Variants in CHIA observed in about 807,000 individuals in gnomAD.
CHIA encodes chitinase acidic.
In CHIA, 47 loss-of-function variants were observed where a neutral mutation model predicts 53.5. The ratio of observed to expected loss-of-function variants is 0.88; its 90% CI spans 0.70 to 1.12. The LOEUF is 1.12. Ranked by LOEUF, CHIA falls within the 50% of genes most tolerant of loss-of-function variation. The probability of loss-of-function intolerance (pLI) is 0.00; values close to 1 mark genes in which losing one functional copy is unlikely to be tolerated. For synonymous variants in CHIA, 268 were observed against 222.2 expected (o/e 1.21, Z -1.83); for missense variants, 652 against 592.2 (o/e 1.10, Z -1.05).
chr1:111,296,952 A>G (rs184920483), intron 1 of CHIA, among the ~76,000 whole-genome samples: 1 of 152,372 alleles, frequency 6.6e-6, no homozygotes, highest in Admixed American at 6.5e-5. Flanking sequence ...AGCTGATTTG[A>G]TCAAATGGAA....
chr1:111,304,357 T>C (rs1648007467), intron 1 of CHIA, among the ~76,000 whole-genome samples: 1 of 152,200 alleles, frequency 6.6e-6, no homozygotes, highest in Admixed American at 6.5e-5. Context: ...TTTTCTTGAA[T>C]TCCCACAATG....
At chr1:111,311,535 T>C (rs776500229) in intron 2 of CHIA, among the ~76,000 whole-genome samples, 154 bp from the exon 3 acceptor site, 3 of 152,206 alleles carry the variant, frequency 2.0e-5, no homozygotes, top group Admixed American at 1.3e-4. Flanking sequence ...GTAGATCTAC[T>C]GTTGTATTCA....
rs1004349409 is a variant in CHIA, at chr1:111,292,557, G to A, written c.-69+1607G>A. ...CAGTCTCCGTTATCTTTTTTTCCAT[G>A]TTTTAAAAATGTTTTTCTTGTGGTA... is the stretch of plus-strand genomic sequence containing the variant. On this transcript the variant is annotated intron_variant, in intron 1 of 11. Transcript: ENST00000369740. 5.3e-5 allele frequency among the ~76,000 whole-genome samples: 8 copies of A among 152,038 alleles called. No homozygotes were observed. In the East Asian group the frequency reaches 1.4e-3, roughly 26 times the overall value.
chr1:111,320,236 A>G lies in CHIA; in HGVS notation c.1201A>G (p.Ile401Val), dbSNP rs1649543867. ...AGGTTGCACGGCTCCAGCTCAGCCC[A>G]TTGAGCCAATAACTGCTGCTCCCAG... is the stretch of plus-strand genomic sequence containing the variant. ...SASCTAPAQP[I>V]EPITAAPSGS... The change falls in exon 12 of 12, where the codon ATT becomes GTT. Residue 401 changes from isoleucine to valine, a missense_variant. Coordinates refer to ENST00000369740, the MANE Select transcript of CHIA (RefSeq NM_201653.4). 1.9e-6 allele frequency: 3 copies of G among 1,613,962 alleles called. No individual in the cohort carries two copies. The highest frequency in any genetic ancestry group is 1.1e-5 in the South Asian group (1 of 91,066).
intron 1 of CHIA, among the ~76,000 whole-genome samples, chr1:111,296,432 G>C (rs796177326): frequency 6.6e-6 from 1 of 152,116 alleles, no homozygotes; most frequent in Non-Finnish European, 1.5e-5. Context: ...AGGCAAACAG[G>C]GTCTGGAGTG....
rs1282958576 is a variant in CHIA at position 111,301,278 on chromosome 1, C to T, written c.-68-9122C>T. 8.5e-5 allele frequency among the ~76,000 whole-genome samples: 13 copies of T among 152,240 alleles called. No homozygotes were observed. The South Asian group carries it at 2.7e-3, about 32-fold the overall frequency. ...TCATGCTAGTATAAAGATACATGCA[C>T]ACATATGTTTATTGCGGCACTATTC... On this transcript the variant is annotated intron_variant, in intron 1 of 11. Coordinates refer to ENST00000369740, the MANE Select transcript of CHIA (RefSeq NM_201653.4).
chr1:111,300,459 C>T (rs1647624379), intron 1 of CHIA, among the ~76,000 whole-genome samples: 1 of 152,124 alleles, frequency 6.6e-6, no homozygotes, highest in Admixed American at 6.6e-5. Context: ...TTTGACAAAC[C>T]TGACAAAAAC....
intron 6 of CHIA, 69 bp downstream of exon 6, chr1:111,315,504 G>T: frequency 6.6e-7 from 1 of 1,522,248 alleles, no homozygotes; most frequent in Non-Finnish European, 8.9e-7. Flanking sequence ...AGAATTGGGT[G>T]GCTCTAGGGT....
intron 4 of CHIA, among the ~76,000 whole-genome samples, chr1:111,312,856 G>A (rs1571293976): frequency 6.9e-6 from 1 of 145,848 alleles, no homozygotes; most frequent in Non-Finnish European, 1.5e-5. Context: ...ATACTTCTAT[G>A]AGTTCAACTT....
At position 111,318,570 on chromosome 1, in the gene CHIA, C is replaced by A. The variant is rs773370727; in HGVS notation, c.807C>A (p.His269Gln). 5.0e-6 allele frequency: 8 copies of A among 1,614,096 alleles called. No individual in the cohort carries two copies. The highest frequency in any genetic ancestry group is 5.1e-6 in the Non-Finnish European group (6 of 1,180,038). ...TCGTTGGATTCCCTACCTATGGACA[C>A]AACTTCATCCTGAGCAACCCCTCCA... ...KLIVGFPTYG[H>Q]NFILSNPSNT... is the part of the protein sequence containing the mutation. Residue 269 changes from histidine (H) to glutamine (Q), a missense_variant, in exon 9 of 12, where the codon CAC becomes CAA. His to Gln is a conservative substitution (Grantham distance 24, BLOSUM62 0). Coordinates refer to ENST00000369740, the MANE Select transcript of CHIA (RefSeq NM_201653.4).
intron 1 of CHIA, 91 bp from the exon 2 acceptor site, chr1:111,310,308 TG>T: frequency 7.1e-7 from 1 of 1,412,970 alleles, no homozygotes. Context: ...GGGTGTAGGT[TG>T]AAGGTCTTGG....
At chr1:111,308,730 T>C (rs143115605) in intron 1 of CHIA, among the ~76,000 whole-genome samples, 1 of 152,280 alleles carries the variant, frequency 6.6e-6, no homozygotes, top group Non-Finnish European at 1.5e-5. Context: ...AAAATAAAAT[T>C]GGAGTTTATT....
intron 8 of CHIA, among the ~76,000 whole-genome samples, 175 bp downstream of exon 8, chr1:111,318,284 C>T (rs1649337961): frequency 6.6e-6 from 1 of 152,138 alleles, no homozygotes; most frequent in Non-Finnish European, 1.5e-5. Context: ...ACAAAGTAAA[C>T]ATAAATTCTG....
At chr1:111,302,505 T>TA (rs1647839736) in intron 1 of CHIA, among the ~76,000 whole-genome samples, 1 of 152,220 alleles carries the variant, frequency 6.6e-6, no homozygotes, top group Non-Finnish European at 1.5e-5. Context: ...ACTACTTCTT[T>TA]AATCTATTAT....
chr1:111,316,159 C>T (rs751543756), intron 6 of CHIA: 2 of 236,538 alleles, frequency 8.5e-6, no homozygotes, highest in African/African-American at 2.3e-5. Context: ...GGGAATGGCA[C>T]AAATGATATA....
At position 111,313,141 on chromosome 1, in the gene CHIA, T is replaced by G. The variant is rs568641323; in HGVS notation, c.257+750T>G. Among the ~76,000 whole-genome samples the G allele has an allele frequency of 2.0e-5, 3 of 152,352 alleles. No individual in the cohort carries two copies. In the East Asian group the frequency reaches 5.8e-4, roughly 29 times the overall value. ...AAATTCAGATATCTCTTCAACACACTGATTTCATTTCCTTTGGATGTAAAC... is the reference window on the plus strand; with the variant it reads ...AAATTCAGATATCTCTTCAACACACGGATTTCATTTCCTTTGGATGTAAAC... On this transcript the variant is annotated intron_variant, in intron 4 of 11. Transcript: ENST00000369740.
chr1:111,296,699 G>A (rs563897305), intron 1 of CHIA, among the ~76,000 whole-genome samples: 1 of 152,324 alleles, frequency 6.6e-6, no homozygotes, highest in African/African-American at 2.4e-5. Context: ...GCCAGCAACG[G>A]AACAAAGCTG....
In CHIA at chr1:111,318,212, G is replaced by A. The variant is rs116277426; in HGVS notation, c.729+103G>A. ...CATAAGTTTAGTGGTTTTCTCAAAT[G>A]GGAAATTAGGCTGCCATAATTAATT... On this transcript the variant is annotated intron_variant, in intron 8 of 11. Coordinates refer to ENST00000369740, the MANE Select transcript of CHIA (RefSeq NM_201653.4). 1.5e-3 allele frequency: 1,811 copies of A among 1,239,334 alleles called. 18 individuals carry two copies. In the African/African-American group the frequency reaches 0.022, roughly 15 times the overall value. 76.8% of individuals were successfully genotyped at this position (1,239,334 alleles called of 1,614,324 possible).
At position 111,312,351 on chromosome 1, in the gene CHIA, G is replaced by A. The variant is rs1303343353; in HGVS notation, c.217G>A (p.Asp73Asn). Residue 73 changes from aspartate (D) to asparagine (N), a missense_variant, in exon 4 of 12, where the codon GAT becomes AAT. Transcript: ENST00000369740. ...NNEITTIEWN[D>N]VTLYQAFNGL... Reference sequence around the variant, plus strand: ...CGAGATCACCACCATCGAATGGAATGATGTGACTCTCTACCAAGCTTTCAA... The same window carrying A: ...CGAGATCACCACCATCGAATGGAATAATGTGACTCTCTACCAAGCTTTCAA... 2 of 1,614,054 alleles carry A rather than the reference G, an allele frequency of 1.2e-6. No individual in the cohort carries two copies. Among genetic ancestry groups the A allele is most frequent in the Non-Finnish European group, 1.7e-6 (2 of 1,180,034 alleles).
Sources: allele counts gnomAD v4.1 joint callset (sites outside exome capture counted in the v4.1 genomes callset), GRCh38; gene constraint gnomAD v4.1.1; transcripts MANE v1.5; gene names NCBI Gene and HGNC (gene_info 2026-07-23, HGNC 2026-07-21).